Variants in BABAM2 observed in about 807,000 individuals in gnomAD.
BABAM2 encodes BRISC and BRCA1-A complex member 2.
BABAM2 carries 31 observed loss-of-function variants against 54.7 expected under a neutral mutation model. That is an observed-to-expected ratio of 0.57 (90% CI 0.43 to 0.77). The LOEUF (loss-of-function observed/expected upper bound fraction) is 0.77, where lower values mean the gene tolerates loss of function less well. Among genes scored for constraint, BABAM2 ranks in the 30% least tolerant of loss-of-function variants. The pLI is 0.00. For missense variants in BABAM2, 364 were observed against 455.8 expected (o/e 0.80, Z 1.83); for synonymous variants, 167 against 162.9 (o/e 1.03, Z -0.19).
At chr2:28,121,283 C>T (rs969981612) in intron 6 of BABAM2, among the ~76,000 whole-genome samples, 2 of 152,150 alleles carry the variant, frequency 1.3e-5, no homozygotes, top group African/African-American at 4.8e-5. Flanking sequence ...TCTGACTATA[C>T]TGCTTTCCCT....
intron 4 of BABAM2, among the ~76,000 whole-genome samples, chr2:28,007,220 A>G (rs1397832600): frequency 6.6e-6 from 1 of 152,076 alleles, no homozygotes; most frequent in African/African-American, 2.4e-5. Flanking sequence ...AGAGAATCAC[A>G]TAAAGAGACA....
At position 28,327,658 on chromosome 2, in the gene BABAM2, C is replaced by G. The variant is rs576572196; in HGVS notation, c.1089-10792C>G. On this transcript the variant is annotated intron_variant, in intron 11 of 11. Coordinates refer to ENST00000379624, the MANE Select transcript of BABAM2 (RefSeq NM_199191.3). Reference sequence around the variant, plus strand: ...GTAGTCTAGACACCAATCTAAATATCTCAAACGCAAGGCAGACATAGCCCA... The same window carrying G: ...GTAGTCTAGACACCAATCTAAATATGTCAAACGCAAGGCAGACATAGCCCA... 3.3e-5 allele frequency among the ~76,000 whole-genome samples: 5 copies of G among 152,278 alleles called. No homozygotes were observed. In the East Asian group the frequency reaches 7.7e-4, roughly 24 times the overall value.
chr2:28,196,321 C>CGTCTCAAAAAA (rs1360883175), intron 7 of BABAM2, among the ~76,000 whole-genome samples: 6 of 107,680 alleles, frequency 5.6e-5, no homozygotes, highest in Admixed American at 2.9e-4. Flanking sequence ...AGCAAGACTC[C>CGTCTCAAAAAA]ATATAAAAAA....
chr2:28,025,245 C>T lies in BABAM2; in HGVS notation c.320C>T (p.Pro107Leu), dbSNP rs1181189911. 9.4e-6 allele frequency: 15 copies of T among 1,593,438 alleles called. No individual in the cohort carries two copies. The highest frequency in any genetic ancestry group is 1.2e-5 in the Non-Finnish European group (14 of 1,174,392). ...SALQNLASWN[P>L]SNPECLLLVV... ...CTACAGAATCTTGCCTCCTGGAATC[C>T]TTCAAATCCTGAATGTCTCTTACTT... The change falls in exon 5 of 12, where the codon CCT becomes CTT. Residue 107 changes from proline (P) to leucine (L), a missense_variant. Coordinates refer to ENST00000379624, the MANE Select transcript of BABAM2 (RefSeq NM_199191.3).
At chr2:28,334,221 C>CTTCT (rs1691211594) in intron 11 of BABAM2, among the ~76,000 whole-genome samples, 1 of 152,258 alleles carries the variant, frequency 6.6e-6, no homozygotes, top group Admixed American at 6.5e-5. Context: ...AACGTGCTCC[C>CTTCT]TTCTGTGTAA....
chr2:27,972,222 G>A (rs1206461300), intron 3 of BABAM2, among the ~76,000 whole-genome samples: 2 of 152,172 alleles, frequency 1.3e-5, no homozygotes, highest in African/African-American at 2.4e-5. Context: ...ACCTGGAGAA[G>A]AGAAGATTAA....
At chr2:28,205,459 T>C (rs562780432) in intron 7 of BABAM2, among the ~76,000 whole-genome samples, 1 of 152,230 alleles carries the variant, frequency 6.6e-6, no homozygotes, top group South Asian at 2.1e-4. Flanking sequence ...GCTGAGATTG[T>C]GCCACTGCGC....
intron 6 of BABAM2, among the ~76,000 whole-genome samples, chr2:28,066,602 T>A (rs1259593284): frequency 6.6e-6 from 1 of 152,170 alleles, no homozygotes; most frequent in Admixed American, 6.5e-5. Flanking sequence ...GCAGTAGCCA[T>A]CTGAAAGATG....
At chr2:28,269,036 C>T (rs1685210945) in intron 10 of BABAM2, among the ~76,000 whole-genome samples, 2 of 152,222 alleles carry the variant, frequency 1.3e-5, no homozygotes, top group Admixed American at 6.5e-5. Flanking sequence ...CAAACAAAAG[C>T]TGAGGCTTGT....
chr2:27,910,259 A>G (rs1558579406), intron 2 of BABAM2, among the ~76,000 whole-genome samples: 2 of 152,192 alleles, frequency 1.3e-5, no homozygotes. Context: ...TCTGACAGTA[A>G]TGTCATGGTT....
intron 6 of BABAM2, among the ~76,000 whole-genome samples, chr2:28,056,910 A>G (rs1323768726): frequency 6.6e-6 from 1 of 152,238 alleles, no homozygotes; most frequent in Admixed American, 6.5e-5. Flanking sequence ...CTGTGCTTAC[A>G]AAGTTGTGCA....
At chr2:28,164,853 C>T (rs1234504738) in intron 7 of BABAM2, among the ~76,000 whole-genome samples, 2 of 152,104 alleles carry the variant, frequency 1.3e-5, no homozygotes, top group Non-Finnish European at 2.9e-5. Context: ...ACTCCAGATC[C>T]CTTCATGGTT....
At chr2:28,186,746 G>A (rs1676328803) in intron 7 of BABAM2, among the ~76,000 whole-genome samples, 1 of 151,932 alleles carries the variant, frequency 6.6e-6, no homozygotes, top group African/African-American at 2.4e-5. Flanking sequence ...GAAGAAGAGT[G>A]GTAGTATATC....
intron 3 of BABAM2, among the ~76,000 whole-genome samples, chr2:27,973,430 CT>C (rs879613609): frequency 0.016 from 2,336 of 146,342 alleles, 45 homozygotes; most frequent in African/African-American, 0.042. Flanking sequence ...AGGATGTAAT[CT>C]TTTTTTTTTT....
In BABAM2 at chr2:28,298,373, A is replaced by C; in HGVS notation, c.970A>C (p.Thr324Pro). 6.2e-7 allele frequency: 1 copy of C among 1,614,016 alleles called. No homozygotes were observed. The highest frequency in any genetic ancestry group is 8.5e-7 in the Non-Finnish European group (1 of 1,179,972). ...TCTGTTTTTCCCTCGAGACCAGCCA[A>C]CTCTCACATTTCAGTCCGTTTATCA... ...LPLFFPRDQP[T>P]LTFQSVYHFT... is the part of the protein sequence containing the mutation. Residue 324 changes from threonine to proline, a missense_variant, in exon 11 of 12, where the codon ACT (threonine) becomes CCT (proline). Thr to Pro is a conservative substitution (Grantham distance 38, BLOSUM62 -1). Transcript: ENST00000379624.
chr2:27,899,990 A>G (rs953439022), intron 2 of BABAM2, among the ~76,000 whole-genome samples: 1 of 152,224 alleles, frequency 6.6e-6, no homozygotes, highest in Admixed American at 6.5e-5. Context: ...TTAGAAGTTC[A>G]TTAACAATTC....
At chr2:28,242,099 G>A (rs1019361545) in intron 9 of BABAM2, among the ~76,000 whole-genome samples, 6 of 152,034 alleles carry the variant, frequency 3.9e-5, no homozygotes, top group African/African-American at 7.2e-5. Flanking sequence ...CTGAAATTGC[G>A]GTAAGTTCAG....
At chr2:28,052,714 T>C (rs1006165385) in intron 6 of BABAM2, among the ~76,000 whole-genome samples, 3 of 152,212 alleles carry the variant, frequency 2.0e-5, no homozygotes, top group Non-Finnish European at 2.9e-5. Flanking sequence ...CCATTTCAAG[T>C]GGTGCTGTCA....
At chr2:27,994,676 T>C (rs1390181460) in intron 4 of BABAM2, among the ~76,000 whole-genome samples, 1 of 152,266 alleles carries the variant, frequency 6.6e-6, no homozygotes, top group Admixed American at 6.5e-5. Context: ...TGTATGAGCA[T>C]ACCACAGTTT....
Sources: allele counts gnomAD v4.1 joint callset (sites outside exome capture counted in the v4.1 genomes callset), GRCh38; gene constraint gnomAD v4.1.1; transcripts MANE v1.5; gene names NCBI Gene and HGNC (gene_info 2026-07-23, HGNC 2026-07-21).